NTM: variants seen among roughly 807,000 people sequenced by gnomAD.
NTM encodes the protein neurotrimin.
A neutral mutation model predicts 42.1 loss-of-function variants in NTM; 13 were observed. The observed-to-expected ratio is 0.31, with a 90% CI of 0.20 to 0.49. The LOEUF is 0.49. Ranked by LOEUF, NTM falls within the 20% of genes least tolerant of loss-of-function variation. The pLI, the probability that NTM is intolerant of heterozygous loss-of-function variation, is 0.99. For synonymous variants in NTM, 187 were observed against 179.2 expected, an observed-to-expected ratio of 1.04 and a Z score of -0.35; for missense variants, 373 against 452.8, an observed-to-expected ratio of 0.82 and a Z score of 1.60.
intron 1 of NTM, among the ~76,000 whole-genome samples, chr11:131,566,316 C>A (rs1034393311): frequency 1.3e-5 from 2 of 152,128 alleles, no homozygotes; most frequent in African/African-American, 4.8e-5. Flanking sequence ...GCAGAATGTA[C>A]AAATTCCTTT....
intron 1 of NTM, among the ~76,000 whole-genome samples, chr11:131,700,122 G>T (rs1199225382): frequency 2.0e-5 from 3 of 152,076 alleles, no homozygotes; most frequent in Admixed American, 2.0e-4. Flanking sequence ...AACAAGCAGA[G>T]CATTTTGGGT....
At chr11:132,232,419 C>T (rs548714747) in intron 4 of NTM, among the ~76,000 whole-genome samples, 4 of 152,266 alleles carry the variant, frequency 2.6e-5, no homozygotes, top group South Asian at 2.1e-4. Context: ...GCCCACCTGT[C>T]GCTGCTGCAG....
intron 1 of NTM, among the ~76,000 whole-genome samples, chr11:131,653,713 A>G (rs2134369018): frequency 6.6e-6 from 1 of 152,310 alleles, no homozygotes; most frequent in Middle Eastern, 3.4e-3. Flanking sequence ...AGCTTCCAGT[A>G]TGAGAACACA....
intron 1 of NTM, among the ~76,000 whole-genome samples, chr11:131,737,328 C>T (rs771045712): frequency 6.6e-6 from 1 of 152,140 alleles, no homozygotes; most frequent in Non-Finnish European, 1.5e-5. Flanking sequence ...TGGATCTCAC[C>T]TCTCTGTCTT....
intron 1 of NTM, among the ~76,000 whole-genome samples, chr11:131,669,098 C>G (rs981450900): frequency 2.0e-5 from 3 of 152,048 alleles, no homozygotes; most frequent in Admixed American, 1.3e-4. Context: ...CTCTGTGCCC[C>G]GTAGGGTTGG....
rs370176365 is a variant in NTM, at chr11:131,768,233, C to T, written c.83-143331C>T. Among the ~76,000 whole-genome samples the T allele has an allele frequency of 2.6e-5, 4 of 151,808 alleles. No individual in the cohort carries two copies. In the East Asian group the frequency reaches 5.9e-4, roughly 22 times the overall value. Reference sequence around the variant, plus strand: ...TCCTGGGTTCAAGCAATTCTCCTGCCTCAGCCTCCCAAGTAGCTGGGATTA... The same window carrying T: ...TCCTGGGTTCAAGCAATTCTCCTGCTTCAGCCTCCCAAGTAGCTGGGATTA... On this transcript the variant is annotated intron_variant, in intron 1 of 8. Coordinates refer to ENST00000683400, the MANE Select transcript of NTM (RefSeq NM_001352005.2).
chr11:132,326,399 C>G (rs1238054211), intron 7 of NTM, among the ~76,000 whole-genome samples: 1 of 152,066 alleles, frequency 6.6e-6, no homozygotes, highest in African/African-American at 2.4e-5. Flanking sequence ...AGAACACCAT[C>G]CCATAGCAAA....
chr11:131,449,316 G>A (rs947780048), intron 1 of NTM, among the ~76,000 whole-genome samples: 5 of 152,208 alleles, frequency 3.3e-5, no homozygotes, highest in Admixed American at 1.3e-4. Context: ...GCTCACTCAG[G>A]TGGACTCCCA....
At chr11:131,633,788 T>TCTCTCTCACA (rs141539738) in intron 1 of NTM, among the ~76,000 whole-genome samples, 4 of 55,152 alleles carry the variant, frequency 7.3e-5, no homozygotes, top group African/African-American at 1.8e-4. Flanking sequence ...TCTCTCTCTC[T>TCTCTCTCACA]CACACACACA....
chr11:132,222,683 C>T (rs536778341), intron 4 of NTM, among the ~76,000 whole-genome samples: 1 of 152,270 alleles, frequency 6.6e-6, no homozygotes, highest in East Asian at 1.9e-4. Flanking sequence ...GAAGATGTGG[C>T]CCCTTCCCTG....
At chr11:131,557,120 A>C (rs1195747947) in intron 1 of NTM, among the ~76,000 whole-genome samples, 1 of 152,142 alleles carries the variant, frequency 6.6e-6, no homozygotes, top group Non-Finnish European at 1.5e-5. Flanking sequence ...ATTTTAAAGC[A>C]AACATAGAGA....
intron 2 of NTM, among the ~76,000 whole-genome samples, chr11:131,939,532 A>AATC (rs1433097002): frequency 6.6e-6 from 1 of 152,130 alleles, no homozygotes; most frequent in African/African-American, 2.4e-5. Context: ...TACAGATGAG[A>AATC]AAGTTCCATC....
At chr11:131,956,508 A>C (rs549022798) in intron 2 of NTM, among the ~76,000 whole-genome samples, 62 of 151,808 alleles carry the variant, frequency 4.1e-4, no homozygotes, top group African/African-American at 1.4e-3. Context: ...AGGGGTGTTA[A>C]ATAGTGAGGC....
chr11:132,075,777 A>AC (rs940370904), intron 2 of NTM, among the ~76,000 whole-genome samples: 61 of 152,312 alleles, frequency 4.0e-4, no homozygotes, highest in African/African-American at 1.4e-3. Flanking sequence ...TTCTCTCCCT[A>AC]CCATTCCACT....
At chr11:131,863,469 A>G (rs994635010) in intron 1 of NTM, among the ~76,000 whole-genome samples, 4 of 152,226 alleles carry the variant, frequency 2.6e-5, no homozygotes, top group African/African-American at 9.6e-5. Context: ...ACCTGGGTCC[A>G]GGAAGCGATG....
chr11:132,031,836 T>C (rs762660218), intron 2 of NTM, among the ~76,000 whole-genome samples: 5 of 152,198 alleles, frequency 3.3e-5, no homozygotes, highest in Non-Finnish European at 5.9e-5. Flanking sequence ...GCATGATTTA[T>C]ATAATCTCTT....
chr11:131,923,001 G>T (rs1011432691), intron 2 of NTM, among the ~76,000 whole-genome samples: 2 of 151,964 alleles, frequency 1.3e-5, no homozygotes, highest in African/African-American at 4.8e-5. Flanking sequence ...CTCAGGATCT[G>T]CTATAAACTT....
At chr11:131,846,488 C>A (rs1379286012) in intron 1 of NTM, among the ~76,000 whole-genome samples, 1 of 152,062 alleles carries the variant, frequency 6.6e-6, no homozygotes, top group Non-Finnish European at 1.5e-5. Flanking sequence ...TTTAAAAAAT[C>A]TCCCCTTAAA....
At chr11:132,009,895 G>A (rs918912893) in intron 2 of NTM, among the ~76,000 whole-genome samples, 2 of 152,152 alleles carry the variant, frequency 1.3e-5, no homozygotes, top group African/African-American at 2.4e-5. Context: ...TGTGGTTTAA[G>A]GAACTTGCCC....
Sources: gnomAD v4.1 joint callset for allele counts (sites outside exome capture counted in the v4.1 genomes callset) on GRCh38, gnomAD v4.1.1 for gene constraint, MANE v1.5 for transcripts, NCBI Gene and HGNC (gene_info 2026-07-23, HGNC 2026-07-21) for gene names.